TACC2: variants seen among roughly 807,000 people sequenced by gnomAD.
The protein encoded by TACC2 is transforming acidic coiled-coil containing protein 2.
TACC2 carries 137 observed loss-of-function variants against 227.3 expected under a neutral mutation model. The observed-to-expected ratio is 0.60, with a 90% CI of 0.52 to 0.69. TACC2 has a LOEUF of 0.69. Among genes scored for constraint, TACC2 ranks in the 30% least tolerant of loss-of-function variants. The pLI, the probability that TACC2 is intolerant of heterozygous loss-of-function variation, is 0.00. For missense variants in TACC2, 3,470 were observed against 3,694.4 expected (o/e 0.94, Z 1.57); for synonymous variants, 1,523 against 1,487.5 (o/e 1.02, Z -0.55).
chr10:122,022,067 T>G, intron 2 of TACC2, 53 bp downstream of exon 2: 1 of 1,593,250 alleles, frequency 6.3e-7, no homozygotes. Context: ...TGGCAGACCT[T>G]GACTAGGTTC....
In TACC2 at chr10:122,112,362, T is replaced by A. The variant is rs1265959779; in HGVS notation, c.5574-20247T>A. ...CCTCACATGCCAATAGATACATAAC[T>A]CCTAGAAATATGGCAGCTGGAATTG... On this transcript the variant is annotated intron_variant, in intron 5 of 22. Coordinates refer to ENST00000369005, the MANE Select transcript of TACC2 (RefSeq NM_206862.4). Among the ~76,000 whole-genome samples the A allele has an allele frequency of 4.6e-5, 7 of 152,272 alleles. No individual in the cohort carries two copies. The East Asian group carries it at 1.4e-3, about 29-fold the overall frequency.
chr10:122,131,853 C>G (rs1455700672), intron 5 of TACC2, among the ~76,000 whole-genome samples: 2 of 151,554 alleles, frequency 1.3e-5, no homozygotes, highest in Non-Finnish European at 2.9e-5. Flanking sequence ...GAAACCCCAA[C>G]TCTACTAGAA....
chr10:121,999,926 G>C (rs1954065104), intron 1 of TACC2, among the ~76,000 whole-genome samples: 1 of 152,196 alleles, frequency 6.6e-6, no homozygotes, highest in African/African-American at 2.4e-5. Flanking sequence ...CAGTCTGCAG[G>C]CCCAAGGTCT....
intron 19 of TACC2, chr10:122,247,884 C>T (rs2096162204): frequency 6.6e-6 from 1 of 152,162 alleles, no homozygotes; most frequent in African/African-American, 2.4e-5. Flanking sequence ...TGCACATGTG[C>T]CCCAAATCTA....
chr10:122,179,705 C>G (rs2093898463), intron 7 of TACC2, among the ~76,000 whole-genome samples: 1 of 152,302 alleles, frequency 6.6e-6, no homozygotes, highest in Non-Finnish European at 1.5e-5. Flanking sequence ...CTTTAGGAAG[C>G]CGAGGCAGGA....
chr10:122,078,985 G>A (rs1404932391), intron 3 of TACC2: 3 of 152,144 alleles, frequency 2.0e-5, no homozygotes. Flanking sequence ...AGATGGTAAC[G>A]ACTTCAGCCA....
Position 122,210,647 on chromosome 10 carries a change from T to C in TACC2, c.6222T>C (p.Asp2074=), listed in dbSNP as rs2095269992. The change falls in exon 9 of 23, where the codon GAT becomes GAC. Residue 2074 remains aspartate (D), a synonymous_variant. Coordinates refer to ENST00000369005, the MANE Select transcript of TACC2 (RefSeq NM_206862.4). The surrounding 1 kb of genome is among the most constrained non-coding windows in gnomAD (Gnocchi z 4.6). The part of the protein sequence containing the change: ...GKVNTRRKST[D]SVPISKSTLS... ...TGAACACACGGAGGAAGTCCACGGA[T>C]TCCGTCCCCATCTCTAAGTCTACAC... 4 of 1,613,826 alleles carry C rather than the reference T, an allele frequency of 2.5e-6. No individual in the cohort carries two copies. The highest frequency in any genetic ancestry group is 3.4e-6 in the Non-Finnish European group (4 of 1,179,950).
chr10:122,243,122 T>G (rs1172436156), intron 19 of TACC2, among the ~76,000 whole-genome samples: 2 of 152,212 alleles, frequency 1.3e-5, no homozygotes, highest in African/African-American at 4.8e-5. Context: ...TTTTGTATTT[T>G]TAGTAGAGAC....
intron 3 of TACC2, 86 bp from the exon 4 acceptor site, chr10:122,082,561 T>C: frequency 6.9e-7 from 1 of 1,456,498 alleles, no homozygotes; most frequent in South Asian, 1.4e-5. Flanking sequence ...TGCCCTTTTG[T>C]GGGGGTGGGT....
chr10:122,071,736 A>G (rs2078085802), intron 3 of TACC2, among the ~76,000 whole-genome samples: 1 of 147,986 alleles, frequency 6.8e-6, no homozygotes, highest in Non-Finnish European at 1.5e-5. Context: ...AAAAAAAAAA[A>G]GTGATCTGGG....
At chr10:122,164,078 C>T in intron 7 of TACC2, 2 of 1,479,316 alleles carry the variant, frequency 1.4e-6, no homozygotes, top group Non-Finnish European at 1.8e-6. Flanking sequence ...TTCCTAATGC[C>T]TGTGCAACCT....
In TACC2 at chr10:122,141,413, G is replaced by A. The variant is rs1012241125; in HGVS notation, c.5700-2159G>A. Among the ~76,000 whole-genome samples, 1 of 152,132 alleles carries A rather than the reference G, an allele frequency of 6.6e-6. No homozygotes were observed. Among genetic ancestry groups the A allele is most frequent in the Non-Finnish European group, 1.5e-5 (1 of 68,022 alleles). ...CTTTGGCTAACGGGACCCAGCCAGC[G>A]CAGGAAGGGTGTGGCCATGGCAGTT... On this transcript the variant is annotated intron_variant, in intron 6 of 22. Coordinates refer to ENST00000369005, the MANE Select transcript of TACC2 (RefSeq NM_206862.4). This position sits in a 1 kb window ranked among gnomAD's most constrained non-coding sequence, Gnocchi z 4.3.
At chr10:122,122,786 C>T (rs902048231) in intron 5 of TACC2, among the ~76,000 whole-genome samples, 3 of 152,194 alleles carry the variant, frequency 2.0e-5, no homozygotes, top group Admixed American at 6.5e-5. Context: ...CTTCGCACAA[C>T]ACCTGGCAAA....
At chr10:122,118,015 CTTT>C (rs902640167) in intron 5 of TACC2, among the ~76,000 whole-genome samples, 4 of 138,532 alleles carry the variant, frequency 2.9e-5, no homozygotes, top group Admixed American at 7.3e-5. Flanking sequence ...TTCTCTTTTT[CTTT>C]TTTTTTTTTT....
chr10:122,075,231 C>CA (rs145236542), intron 3 of TACC2, among the ~76,000 whole-genome samples: 3,950 of 150,960 alleles, frequency 0.026, 65 homozygotes, highest in Middle Eastern at 0.052. Context: ...TCAGCAGTAT[C>CA]ATGGCAAGGT....
rs767207639 is a variant in TACC2 at position 122,216,922 on chromosome 10, G to A, written c.7546+94G>A. 12 of 1,602,554 alleles carry A rather than the reference G, an allele frequency of 7.5e-6. No individual in the cohort carries two copies. The East Asian group carries it at 1.6e-4, about 21-fold the overall frequency. ...GCCAGGAGAGAAACTTCTCAGCCAGGTAACCACGTGATCATCATTGTGAGA... is the reference window on the plus strand; with the variant it reads ...GCCAGGAGAGAAACTTCTCAGCCAGATAACCACGTGATCATCATTGTGAGA... On this transcript the variant is annotated intron_variant, in intron 11 of 22. Transcript: ENST00000369005.
At chr10:122,056,229 T>C (rs1278938220) in intron 3 of TACC2, among the ~76,000 whole-genome samples, 2 of 152,170 alleles carry the variant, frequency 1.3e-5, no homozygotes, top group Non-Finnish European at 2.9e-5. Context: ...GGCTGGAGTG[T>C]AATGGTGCGA....
chr10:122,164,672 G>A (rs1216393396), intron 7 of TACC2, among the ~76,000 whole-genome samples: 1 of 152,140 alleles, frequency 6.6e-6, no homozygotes, highest in African/African-American at 2.4e-5. Context: ...TTCTGTTATG[G>A]TCGTCTCCAT....
chr10:122,167,168 C>A (rs1020747202), intron 7 of TACC2, among the ~76,000 whole-genome samples: 1 of 152,230 alleles, frequency 6.6e-6, no homozygotes, highest in Non-Finnish European at 1.5e-5. Flanking sequence ...TTGGCAAAGT[C>A]GGCCTGCCCC....
Sources: allele counts gnomAD v4.1 joint callset (sites outside exome capture counted in the v4.1 genomes callset), GRCh38; gene constraint gnomAD v4.1.1; non-coding constraint Gnocchi (gnomAD v3.1); transcripts MANE v1.5; gene names NCBI Gene and HGNC (gene_info 2026-07-23, HGNC 2026-07-21).